The following TFB2M variants were observed in gnomAD, a reference collection of about 807,000 sequenced individuals.
The protein encoded by TFB2M is transcription factor B2, mitochondrial.
Under a neutral mutation model 41.3 loss-of-function variants are expected in TFB2M, and 44 were observed. The ratio of observed to expected loss-of-function variants is 1.07; its 90% confidence interval spans 0.84 to 1.37. TFB2M has a LOEUF of 1.37. Among genes scored for constraint, TFB2M ranks in the 40% most tolerant of loss-of-function variants. TFB2M has a pLI of 0.00. For synonymous variants in TFB2M, 188 were observed against 176.8 expected (o/e 1.06, Z -0.50); for missense variants, 496 against 490.2 (o/e 1.01, Z -0.11).
At chr1:246,545,022 G>C (rs569046785) in intron 6 of TFB2M, among the ~76,000 whole-genome samples, 53 of 151,452 alleles carry the variant, frequency 3.5e-4, no homozygotes, top group Non-Finnish European at 6.6e-4. Context: ...AGCCAGGATG[G>C]TCTCGATCTC....
chr1:246,559,613 A>C lies in TFB2M; in HGVS notation c.403-2079T>G, dbSNP rs539126547. ...TCACTTTCAAGGGGAAGTTTTAAAA[A>C]GACTAGAGGAAGGGAAAGACTGGGG... On this transcript the variant is annotated intron_variant, in intron 2 of 7. Coordinates refer to ENST00000366514, the MANE Select transcript of TFB2M (RefSeq NM_022366.3). Among the ~76,000 whole-genome samples the C allele has an allele frequency of 1.3e-3, 200 of 152,312 alleles. 1 individual carries two copies. The highest frequency in any genetic ancestry group is 4.6e-3 in the African/African-American group (191 of 41,556).
At chr1:246,554,712 A>G (rs1659274903) in intron 4 of TFB2M, among the ~76,000 whole-genome samples, 1 of 152,204 alleles carries the variant, frequency 6.6e-6, no homozygotes, top group African/African-American at 2.4e-5. Flanking sequence ...GATGCACTTG[A>G]ATCATCCTGA....
At chr1:246,553,594 G>C (rs536479386) in intron 4 of TFB2M, among the ~76,000 whole-genome samples, 4 of 152,210 alleles carry the variant, frequency 2.6e-5, no homozygotes, top group Non-Finnish European at 5.9e-5. Flanking sequence ...CCTGAGCCTG[G>C]GAGGTCAAGG....
At chr1:246,557,039 C>T (rs867375780) in intron 3 of TFB2M, among the ~76,000 whole-genome samples, 6 of 151,918 alleles carry the variant, frequency 3.9e-5, no homozygotes, top group Admixed American at 1.3e-4. Context: ...TTTGGGAGGT[C>T]GAAGCGGGCA....
chr1:246,564,296 C>G, intron 2 of TFB2M, 50 bp downstream of exon 2: 4 of 1,525,714 alleles, frequency 2.6e-6, no homozygotes, highest in Non-Finnish European at 2.7e-6. Context: ...TTAAACCACT[C>G]ACAGATAGTT....
At chr1:246,551,392 C>T (rs2102986588) in intron 4 of TFB2M, 90 bp from the exon 5 acceptor site, 2 of 870,618 alleles carry the variant, frequency 2.3e-6, no homozygotes, top group Non-Finnish European at 1.8e-6. Context: ...ATCTTAATGG[C>T]ATCTAGACAT....
At chr1:246,557,623 A>C in intron 2 of TFB2M, 89 bp from the exon 3 acceptor site, 1 of 1,067,664 alleles carries the variant, frequency 9.4e-7, no homozygotes, top group Non-Finnish European at 1.3e-6. Flanking sequence ...AAAAAACCAT[A>C]ATAAAATGTA....
intron 2 of TFB2M, among the ~76,000 whole-genome samples, chr1:246,562,602 C>T (rs989707587): frequency 3.3e-5 from 5 of 151,910 alleles, no homozygotes; most frequent in African/African-American, 4.8e-5. Context: ...CTATAAAAAT[C>T]GAAGGGAGTC....
chr1:246,563,589 A>G (rs1230353327), intron 2 of TFB2M, among the ~76,000 whole-genome samples: 3 of 151,716 alleles, frequency 2.0e-5, no homozygotes, highest in African/African-American at 7.3e-5. Context: ...GGGTGACAAG[A>G]GAGAAACTCC....
intron 7 of TFB2M, among the ~76,000 whole-genome samples, chr1:246,542,020 C>G (rs186856113): frequency 5.4e-4 from 82 of 152,252 alleles, no homozygotes; most frequent in Admixed American, 5.0e-3. Context: ...TAGCCTATTA[C>G]AGACTTAGGA....
Position 246,544,645 on chromosome 1 carries a change from T to C in TFB2M, c.895A>G (p.Ile299Val). 6.2e-7 allele frequency: 1 copy of C among 1,606,718 alleles called. No individual in the cohort carries two copies. Among genetic ancestry groups the C allele is most frequent in the Non-Finnish European group, 8.5e-7 (1 of 1,178,332 alleles). ...AAATTTTGACGAGGAATCATTTGAA[T>C]AAGATACAGCTTTTGTTGTAATTGG... ...LDQLQQKLYL[I>V]QMIPRQNLFT... The change falls in exon 7 of 8, where the codon ATT (isoleucine) becomes GTT (valine). Residue 299 changes from isoleucine (I) to valine (V), a missense_variant. Physicochemically the swap from Ile to Val is conservative, Grantham distance 29. Coordinates refer to ENST00000366514, the MANE Select transcript of TFB2M (RefSeq NM_022366.3).
rs147443045 is a variant in TFB2M, at chr1:246,566,243, T to C, written c.-105A>G. On this transcript the variant is annotated 5_prime_UTR_variant, in exon 1 of 8. Coordinates refer to ENST00000366514, the MANE Select transcript of TFB2M (RefSeq NM_022366.3). Reference sequence around the variant, plus strand: ...AACATTTTCTGGCGTCCGGGCCAGGTCAAGCGGAAGTAAACACTAGAGCCT... The same window carrying C: ...AACATTTTCTGGCGTCCGGGCCAGGCCAAGCGGAAGTAAACACTAGAGCCT... The C allele has an allele frequency of 1.3e-5, 16 of 1,211,344 alleles. No homozygotes were observed. Among genetic ancestry groups the C allele is most frequent in the Admixed American group, 2.6e-5 (1 of 38,630 alleles). The allele number at this position is 1,211,344 out of a possible 1,614,324, so 75.0% of individuals were successfully genotyped here. A position where few individuals can be genotyped will look rare whatever the true frequency, so the allele number is the denominator to read the frequency against.
Position 246,542,737 on chromosome 1 carries a change from T to TA in TFB2M, c.1020-1536_1020-1535insT, listed in dbSNP as rs1250032223. On this transcript the variant is annotated intron_variant, in intron 7 of 7. Coordinates refer to ENST00000366514, the MANE Select transcript of TFB2M (RefSeq NM_022366.3). ...GTAACATGTTTCTAGTCCACTGAGA[T>TA]TACCAGGAGCATTTTTAATATTTTG... Among the ~76,000 whole-genome samples the TA allele has an allele frequency of 2.0e-5, 3 of 152,166 alleles. No individual in the cohort carries two copies. In the East Asian group the frequency reaches 5.8e-4, roughly 29 times the overall value.
chr1:246,543,067 C>G (rs1658907630), intron 7 of TFB2M, among the ~76,000 whole-genome samples: 1 of 146,982 alleles, frequency 6.8e-6, no homozygotes, highest in Non-Finnish European at 1.5e-5. Flanking sequence ...GTTTATGGCT[C>G]ACTACAGCCT....
intron 2 of TFB2M, among the ~76,000 whole-genome samples, chr1:246,560,563 T>C (rs1465893871): frequency 1.3e-5 from 2 of 152,222 alleles, no homozygotes; most frequent in Non-Finnish European, 2.9e-5. Context: ...GAACACTTTA[T>C]GGCCTCAATA....
At chr1:246,545,094 C>G (rs938324281) in intron 6 of TFB2M, among the ~76,000 whole-genome samples, 2 of 152,162 alleles carry the variant, frequency 1.3e-5, no homozygotes, top group South Asian at 2.1e-4. Context: ...GCGTGAGCCA[C>G]CGTGCCCGGC....
chr1:246,561,012 A>C (rs1359863402), intron 2 of TFB2M, among the ~76,000 whole-genome samples: 1 of 152,154 alleles, frequency 6.6e-6, no homozygotes, highest in African/African-American at 2.4e-5. Context: ...CTCACCACTG[A>C]AACTCCTTTC....
chr1:246,563,228 A>G (rs1659504430), intron 2 of TFB2M, among the ~76,000 whole-genome samples: 3 of 148,680 alleles, frequency 2.0e-5, no homozygotes, highest in African/African-American at 7.5e-5. Flanking sequence ...TTACTGTACT[A>G]ATGGTATGTC....
chr1:246,548,504 C>A, intron 6 of TFB2M, 41 bp downstream of exon 6: 1 of 1,544,494 alleles, frequency 6.5e-7, no homozygotes, highest in Admixed American at 1.8e-5. Context: ...AAAAATACGT[C>A]ACGTAGGGAG....
Sources: gnomAD v4.1 joint callset for allele counts (sites outside exome capture counted in the v4.1 genomes callset) on GRCh38, gnomAD v4.1.1 for gene constraint, MANE v1.5 for transcripts, NCBI Gene and HGNC (gene_info 2026-07-23, HGNC 2026-07-21) for gene names.